Variants in CSMD3 observed in about 807,000 individuals in gnomAD.
CSMD3 encodes the protein CUB and Sushi multiple domains 3, also known as CUB and sushi domain-containing protein 3.
A neutral mutation model predicts 435.2 loss-of-function variants in CSMD3; 177 were observed. The observed-to-expected ratio is 0.41, with a 90% CI of 0.36 to 0.46. CSMD3 has a LOEUF of 0.46. Ranked by LOEUF, CSMD3 falls within the 20% of genes least tolerant of loss-of-function variation. The pLI is 0.34. For synonymous variants in CSMD3, 1,656 were observed against 1,520.5 expected (o/e 1.09, Z -2.07); for missense variants, 4,265 against 4,504.6 (o/e 0.95, Z 1.52).
At chr8:113,134,437 T>C (rs938807014) in intron 4 of CSMD3, among the ~76,000 whole-genome samples, 3 of 152,082 alleles carry the variant, frequency 2.0e-5, no homozygotes, top group African/African-American at 7.2e-5. Flanking sequence ...GCTCATCTCA[T>C]TGCATCACAC....
At chr8:112,849,155 C>T (rs916096422) in intron 11 of CSMD3, among the ~76,000 whole-genome samples, 28 of 152,066 alleles carry the variant, frequency 1.8e-4, no homozygotes, top group African/African-American at 6.8e-4. Flanking sequence ...AAGTCAACCT[C>T]ATATGCCTGT....
At chr8:112,280,598 A>T (rs1818536644) in intron 59 of CSMD3, among the ~76,000 whole-genome samples, 1 of 143,492 alleles carries the variant, frequency 7.0e-6, no homozygotes, top group South Asian at 2.3e-4. Flanking sequence ...TGTTGGTTAA[A>T]TACTATTTAT....
At chr8:112,968,115 G>A (rs987239631) in intron 7 of CSMD3, among the ~76,000 whole-genome samples, 2 of 151,712 alleles carry the variant, frequency 1.3e-5, no homozygotes, top group Non-Finnish European at 2.9e-5. Context: ...AGTAAATATG[G>A]CTGATTTCAC....
chr8:112,436,757 T>C (rs1814401168), intron 32 of CSMD3, among the ~76,000 whole-genome samples: 1 of 152,070 alleles, frequency 6.6e-6, no homozygotes, highest in Non-Finnish European at 1.5e-5. Flanking sequence ...TAATTGTTTA[T>C]TTCTAGGTTC....
chr8:112,482,682 GA>G (rs780984489), intron 31 of CSMD3, among the ~76,000 whole-genome samples: 13 of 152,250 alleles, frequency 8.5e-5, no homozygotes, highest in Non-Finnish European at 1.6e-4. Context: ...GCTTTTTAAT[GA>G]TGAAAACCTT....
chr8:112,818,022 T>G (rs1365838524), intron 12 of CSMD3, among the ~76,000 whole-genome samples: 1 of 151,882 alleles, frequency 6.6e-6, no homozygotes, highest in African/African-American at 2.4e-5. Flanking sequence ...ATTAATATTT[T>G]TTTATGCTTT....
chr8:112,312,785 T>A (rs1166234538), intron 49 of CSMD3, among the ~76,000 whole-genome samples: 1 of 152,180 alleles, frequency 6.6e-6, no homozygotes, highest in Non-Finnish European at 1.5e-5. Context: ...ATTTTATATG[T>A]AGTTGTAAAT....
intron 1 of CSMD3, among the ~76,000 whole-genome samples, chr8:113,410,917 GAAAGAA>G (rs1394449870): frequency 7.5e-6 from 1 of 134,162 alleles, no homozygotes; most frequent in Non-Finnish European, 1.6e-5. Flanking sequence ...AAGAAAGAAA[GAAAGAA>G]AGAAAGAAAG....
intron 3 of CSMD3, among the ~76,000 whole-genome samples, chr8:113,196,923 C>A (rs1423794414): frequency 1.3e-5 from 2 of 151,014 alleles, no homozygotes; most frequent in African/African-American, 4.8e-5. Context: ...CAAGCCCTGA[C>A]ATTCTGTTTG....
At chr8:112,948,873 T>A (rs567691689) in intron 8 of CSMD3, among the ~76,000 whole-genome samples, 1 of 151,968 alleles carries the variant, frequency 6.6e-6, no homozygotes, top group Non-Finnish European at 1.5e-5. Context: ...ATGCAATAAA[T>A]CTATGGTAGG....
At chr8:112,641,041 T>G (rs2074810679) in intron 20 of CSMD3, among the ~76,000 whole-genome samples, 1 of 152,170 alleles carries the variant, frequency 6.6e-6, no homozygotes, top group Non-Finnish European at 1.5e-5. Flanking sequence ...CCCTACTTTC[T>G]CCATATTTAA....
In CSMD3 at chr8:112,550,699, G is replaced by A. The variant is rs972228468; in HGVS notation, c.4536C>T (p.Ser1512=). The change falls in exon 27 of 71, where the codon AGC becomes AGT. Residue 1512 remains serine, a synonymous_variant. Transcript: ENST00000297405. ...AAAACTGAATTGCAAATCCAGATTTGCTAATATAAAAATCCGTGTCAAACT... is the reference window on the plus strand; with the variant it reads ...AAAACTGAATTGCAAATCCAGATTTACTAATATAAAAATCCGTGTCAAACT... ...TIQFDTDFYI[S]KSGFAIQFSS... 4 of 1,605,734 alleles carry A rather than the reference G, an allele frequency of 2.5e-6. No individual in the cohort carries two copies. The highest frequency in any genetic ancestry group is 2.6e-6 in the Non-Finnish European group (3 of 1,173,084).
intron 36 of CSMD3, 135 bp from the exon 37 acceptor site, chr8:112,383,798 A>G (rs932070436): frequency 1.2e-5 from 8 of 690,672 alleles, no homozygotes; most frequent in African/African-American, 9.0e-5. Flanking sequence ...AAGGGTTTTT[A>G]ACAGAACTGA....
Position 112,351,170 on chromosome 8 carries a change from C to T in CSMD3, c.6325+5G>A. 1 of 1,559,540 alleles carries T rather than the reference C, an allele frequency of 6.4e-7. No homozygotes were observed. Among genetic ancestry groups the T allele is most frequent in the South Asian group, 1.1e-5 (1 of 89,972 alleles). On this transcript the variant is annotated splice_donor_5th_base_variant and intron_variant, in intron 40 of 70. Coordinates refer to ENST00000297405, the MANE Select transcript of CSMD3 (RefSeq NM_198123.2). Reference sequence around the variant, plus strand: ...GGGTAAATACTTTATAGTCTTTTAACTTACCTAAACAAATTGGGATTGGAT... The same window carrying T: ...GGGTAAATACTTTATAGTCTTTTAATTTACCTAAACAAATTGGGATTGGAT...
chr8:112,755,457 C>G (rs1426479317), intron 13 of CSMD3, among the ~76,000 whole-genome samples: 1 of 151,520 alleles, frequency 6.6e-6, no homozygotes, highest in Non-Finnish European at 1.5e-5. Context: ...TCCCCCACTT[C>G]GTTCTGCACT....
At chr8:112,424,444 G>A (rs889068573) in intron 32 of CSMD3, among the ~76,000 whole-genome samples, 54 of 152,062 alleles carry the variant, frequency 3.6e-4, no homozygotes, top group African/African-American at 1.1e-3. Context: ...TTATGTTTTG[G>A]TCTTCAATGG....
At chr8:113,010,268 A>T (rs2086208168) in intron 6 of CSMD3, among the ~76,000 whole-genome samples, 1 of 151,672 alleles carries the variant, frequency 6.6e-6, no homozygotes, top group Non-Finnish European at 1.5e-5. Context: ...TTTAAGACTC[A>T]TGGGCTATCA....
chr8:112,301,085 T>C (rs1377758495), intron 53 of CSMD3, among the ~76,000 whole-genome samples: 2 of 152,066 alleles, frequency 1.3e-5, no homozygotes, highest in African/African-American at 4.8e-5. Flanking sequence ...TGTCAGATCT[T>C]GAAATCATTT....
At chr8:113,353,226 G>A (rs1023008406) in intron 1 of CSMD3, among the ~76,000 whole-genome samples, 4 of 152,134 alleles carry the variant, frequency 2.6e-5, no homozygotes, top group Non-Finnish European at 4.4e-5. Context: ...TAGAAAAAGC[G>A]AGTAACTTGG....
Sources: allele counts gnomAD v4.1 joint callset (sites outside exome capture counted in the v4.1 genomes callset), GRCh38; gene constraint gnomAD v4.1.1; transcripts MANE v1.5; gene names NCBI Gene and HGNC (gene_info 2026-07-23, HGNC 2026-07-21).